The following FARS2 variants were observed in gnomAD, a reference collection of about 807,000 sequenced individuals.
FARS2 encodes phenylalanyl-tRNA synthetase 2, mitochondrial.
A neutral mutation model predicts 46.4 loss-of-function variants in FARS2; 40 were observed. The ratio of observed to expected loss-of-function variants is 0.86; its 90% confidence interval spans 0.67 to 1.12. The LOEUF (loss-of-function observed/expected upper bound fraction) is 1.12, where lower values mean the gene tolerates loss of function less well. Ranked by LOEUF, FARS2 falls within the 50% of genes most tolerant of loss-of-function variation. FARS2 has a pLI of 0.00. For synonymous variants in FARS2, 234 were observed against 214.9 expected (o/e 1.09, Z -0.78); for missense variants, 513 against 567.9 (o/e 0.90, Z 0.98).
At chr6:5,420,494 G>A (rs544894556) in intron 3 of FARS2, among the ~76,000 whole-genome samples, 2 of 152,314 alleles carry the variant, frequency 1.3e-5, no homozygotes, top group South Asian at 2.1e-4. Flanking sequence ...CTGGCATTGG[G>A]TAAATACAGC....
chr6:5,727,062 G>A lies in FARS2; in HGVS notation c.1218-44229G>A, dbSNP rs904829335. Reference sequence around the variant, plus strand: ...GGCCTCATTGAGCTTCACTTCCACCGTCTGTAAAGGAGCAATGCCTCTGCA... The same window carrying A: ...GGCCTCATTGAGCTTCACTTCCACCATCTGTAAAGGAGCAATGCCTCTGCA... On this transcript the variant is annotated intron_variant, in intron 6 of 6. Transcript: ENST00000274680. This position sits in a 1 kb window ranked among gnomAD's most constrained non-coding sequence, Gnocchi z 4.1. Among the ~76,000 whole-genome samples, 2 of 152,198 alleles carry A rather than the reference G, an allele frequency of 1.3e-5. No individual in the cohort carries two copies. Among genetic ancestry groups the A allele is most frequent in the African/African-American group, 4.8e-5 (2 of 41,436 alleles).
At chr6:5,535,808 A>T (rs1270720084) in intron 4 of FARS2, among the ~76,000 whole-genome samples, 1 of 151,550 alleles carries the variant, frequency 6.6e-6, no homozygotes, top group African/African-American at 2.4e-5. Flanking sequence ...TATTTCTTTT[A>T]TCCTATTGTT....
chr6:5,684,795 A>G (rs887792530), intron 6 of FARS2, among the ~76,000 whole-genome samples: 3 of 152,178 alleles, frequency 2.0e-5, no homozygotes, highest in African/African-American at 7.2e-5. Context: ...TTTCTTGCTA[A>G]CAGGAGCCGA....
chr6:5,742,036 G>A (rs1761376830), intron 6 of FARS2, among the ~76,000 whole-genome samples: 1 of 152,232 alleles, frequency 6.6e-6, no homozygotes. Context: ...GTCTCAGCCA[G>A]CTATTCTGCC....
intron 4 of FARS2, among the ~76,000 whole-genome samples, chr6:5,501,279 T>TG (rs578242974): frequency 1.1e-3 from 168 of 152,248 alleles, no homozygotes; most frequent in African/African-American, 3.9e-3. Flanking sequence ...ATGCTCACTG[T>TG]GGGCGTATTG....
intron 1 of FARS2, among the ~76,000 whole-genome samples, chr6:5,363,981 A>G (rs1018654107): frequency 6.6e-6 from 1 of 152,202 alleles, no homozygotes; most frequent in Admixed American, 6.5e-5. Context: ...CCTTACAGAA[A>G]TTGTAATGTG....
intron 3 of FARS2, among the ~76,000 whole-genome samples, chr6:5,406,081 A>T (rs1231276972): frequency 6.6e-6 from 1 of 152,134 alleles, no homozygotes; most frequent in African/African-American, 2.4e-5. Context: ...CGATATAAAG[A>T]GAAGGTTAGT....
chr6:5,486,938 T>G (rs903822992), intron 4 of FARS2, among the ~76,000 whole-genome samples: 3 of 152,196 alleles, frequency 2.0e-5, no homozygotes, highest in Non-Finnish European at 4.4e-5. Context: ...ATTGTTTGAT[T>G]TACCTACTCA....
At chr6:5,513,377 C>G (rs1768575504) in intron 4 of FARS2, among the ~76,000 whole-genome samples, 1 of 152,058 alleles carries the variant, frequency 6.6e-6, no homozygotes, top group African/African-American at 2.4e-5. Flanking sequence ...GAGTGAATAC[C>G]TGAATATTAC....
chr6:5,465,365 T>C (rs1423063796), intron 4 of FARS2, among the ~76,000 whole-genome samples: 6 of 152,212 alleles, frequency 3.9e-5, no homozygotes, highest in Non-Finnish European at 8.8e-5. Flanking sequence ...TGCATACTTT[T>C]TATTTGTTTC....
intron 1 of FARS2, among the ~76,000 whole-genome samples, chr6:5,348,485 CTTAT>C (rs890569606): frequency 2.1e-4 from 6 of 28,796 alleles, no homozygotes; most frequent in African/African-American, 8.9e-4. Context: ...TACTTCCTTA[CTTAT>C]TTATTTATTT....
chr6:5,464,499 C>T (rs1765408544), intron 4 of FARS2, among the ~76,000 whole-genome samples: 1 of 152,214 alleles, frequency 6.6e-6, no homozygotes, highest in Non-Finnish European at 1.5e-5. Context: ...TCAGGCCTTG[C>T]TGAACCTATA....
At chr6:5,581,211 AC>A (rs1366594809) in intron 5 of FARS2, among the ~76,000 whole-genome samples, 1 of 152,228 alleles carries the variant, frequency 6.6e-6, no homozygotes, top group African/African-American at 2.4e-5. Context: ...CTGCCTTAGC[AC>A]CGAGTGCAGC....
chr6:5,587,764 C>G (rs1178554427), intron 5 of FARS2, among the ~76,000 whole-genome samples: 1 of 152,198 alleles, frequency 6.6e-6, no homozygotes, highest in Admixed American at 6.5e-5. Context: ...ACCTTAAGTT[C>G]ATGAGCTCCG....
intron 1 of FARS2, among the ~76,000 whole-genome samples, chr6:5,351,739 A>G (rs1327047749): frequency 2.6e-5 from 4 of 152,184 alleles, no homozygotes; most frequent in African/African-American, 9.6e-5. Flanking sequence ...ATATCATGAG[A>G]TGTGAGTAAT....
chr6:5,618,262 C>T (rs1775577767), intron 6 of FARS2, among the ~76,000 whole-genome samples: 1 of 152,168 alleles, frequency 6.6e-6, no homozygotes, highest in African/African-American at 2.4e-5. Flanking sequence ...GGGAGATCAT[C>T]CTTCCTTGAG....
chr6:5,313,689 A>G (rs1422569520), intron 1 of FARS2, among the ~76,000 whole-genome samples: 1 of 152,146 alleles, frequency 6.6e-6, no homozygotes, highest in African/African-American at 2.4e-5. Flanking sequence ...GATGTAAGAA[A>G]GCATAAGAAA....
chr6:5,464,961 G>T (rs1765435047), intron 4 of FARS2, among the ~76,000 whole-genome samples: 2 of 152,320 alleles, frequency 1.3e-5, no homozygotes, highest in South Asian at 4.1e-4. Context: ...GCTGCAGCAT[G>T]GGGGCCTTAG....
intron 4 of FARS2, among the ~76,000 whole-genome samples, chr6:5,490,694 A>G (rs1245907432): frequency 6.6e-6 from 1 of 152,158 alleles, no homozygotes; most frequent in Non-Finnish European, 1.5e-5. Flanking sequence ...TTGGTTATTT[A>G]TGCTCTCTTG....
Sources: allele counts gnomAD v4.1 joint callset (sites outside exome capture counted in the v4.1 genomes callset), GRCh38; gene constraint gnomAD v4.1.1; non-coding constraint Gnocchi (gnomAD v3.1); transcripts MANE v1.5; gene names NCBI Gene and HGNC (gene_info 2026-07-23, HGNC 2026-07-21).